FANCD2: variants seen among roughly 807,000 people sequenced by gnomAD.
The protein encoded by FANCD2 is FA complementation group D2.
A neutral mutation model predicts 192.3 loss-of-function variants in FANCD2; 131 were observed. The ratio of observed to expected loss-of-function variants is 0.68; its 90% CI spans 0.59 to 0.79. The LOEUF (loss-of-function observed/expected upper bound fraction) is 0.79, where lower values mean the gene tolerates loss of function less well. Ranked by LOEUF, FANCD2 falls within the 30% of genes least tolerant of loss-of-function variation. The pLI is 0.00. For synonymous variants in FANCD2, 524 were observed against 612.5 expected, an observed-to-expected ratio of 0.86 and a Z score of 2.13; for missense variants, 1,508 against 1,701.6, an observed-to-expected ratio of 0.89 and a Z score of 2.00.
chr3:10,084,302 T>TC (rs1350550456), intron 32 of FANCD2, among the ~76,000 whole-genome samples: 5 of 147,764 alleles, frequency 3.4e-5, no homozygotes, highest in African/African-American at 1.3e-4. Flanking sequence ...TTTTTTTTTT[T>TC]CTTCCCTGAG....
chr3:10,034,489 CA>C lies in FANCD2; in HGVS notation c.230del (p.Lys77ArgfsTer7), dbSNP rs770835633. ...CATAGCTGTGGATCAAATAGCTTTC[CA>C]AAAGAAGCTCTTTCAGACCCTGAGG... Reference protein sequence around the residue: ...NQLAVDQIAFQKKLFQTLRRH... With the variant: ...NQLAVDQIAFXKKLFQTLRRH... On this transcript the variant is annotated frameshift_variant, in exon 4 of 44. Transcript: ENST00000675286. LOFTEE classifies it high-confidence loss of function. 5 of 1,612,778 alleles carry C rather than the reference CA, an allele frequency of 3.1e-6. No homozygotes were observed.
intron 8 of FANCD2, 60 bp downstream of exon 8, chr3:10,039,417 G>T: frequency 1.4e-6 from 2 of 1,406,038 alleles, no homozygotes; most frequent in South Asian, 1.2e-5. Context: ...TCTTTTGGAG[G>T]TTGTATTTTT....
At chr3:10,029,975 G>A (rs1229273741) in intron 2 of FANCD2, among the ~76,000 whole-genome samples, 5 of 151,958 alleles carry the variant, frequency 3.3e-5, no homozygotes, top group African/African-American at 7.3e-5. Context: ...TAGTAGAGAC[G>A]GGGTTTCACC....
chr3:10,099,084 C>A, intron 43 of FANCD2: 4 of 1,540,962 alleles, frequency 2.6e-6, no homozygotes, highest in Middle Eastern at 4.2e-4. Context: ...TCTCATTTTC[C>A]ATGAATTCAT....
rs1437773916 is a variant in FANCD2 at position 10,088,943 on chromosome 3, C to T, written c.3676C>T (p.Leu1226=). 1 of 1,614,154 alleles carries T rather than the reference C, an allele frequency of 6.2e-7. No individual in the cohort carries two copies. Among genetic ancestry groups the T allele is most frequent in the East Asian group, 2.2e-5 (1 of 44,886 alleles). Residue 1226 remains leucine (L), a synonymous_variant, in exon 36 of 44, where the codon CTG becomes TTG. Coordinates refer to ENST00000675286, the MANE Select transcript of FANCD2 (RefSeq NM_001018115.3). The part of the protein sequence containing the change: ...KDASSSTFPT[L]TRHTFVVFFR... ...TGCATCTTCCTCCACATTCCCTACACTGACCAGGTAAGGGAGTTCTTTCCT... is the reference window on the plus strand; with the variant it reads ...TGCATCTTCCTCCACATTCCCTACATTGACCAGGTAAGGGAGTTCTTTCCT...
chr3:10,044,161 GA>G (rs1211953609), intron 14 of FANCD2, among the ~76,000 whole-genome samples: 1 of 152,204 alleles, frequency 6.6e-6, no homozygotes, highest in Non-Finnish European at 1.5e-5. Context: ...CCCCACTGAT[GA>G]GATGAAGAAA....
At chr3:10,064,644 T>G (rs1204503243) in intron 22 of FANCD2, 85 bp from the exon 23 acceptor site, 2 of 1,435,952 alleles carry the variant, frequency 1.4e-6, no homozygotes, top group African/African-American at 2.8e-5. Context: ...TGATGTTGTG[T>G]TTGAAATTGG....
intron 34 of FANCD2, among the ~76,000 whole-genome samples, chr3:10,087,855 G>A (rs1014275321): frequency 2.4e-4 from 37 of 152,044 alleles, no homozygotes; most frequent in African/African-American, 8.4e-4. Context: ...CACCATGTTG[G>A]TCAGGCTGGT....
intron 30 of FANCD2, 23 bp from the exon 31 acceptor site, chr3:10,081,077 T>C (rs1693807645): frequency 3.1e-6 from 5 of 1,613,932 alleles, no homozygotes; most frequent in Non-Finnish European, 3.4e-6. Context: ...GTTTCTTCAC[T>C]CATAACTCTG....
At chr3:10,054,810 T>C (rs993847231) in intron 18 of FANCD2, among the ~76,000 whole-genome samples, 12 of 149,828 alleles carry the variant, frequency 8.0e-5, no homozygotes, top group African/African-American at 1.2e-4. Context: ...TATCTTTTTT[T>C]CCCCCCCTTT....
intron 10 of FANCD2, among the ~76,000 whole-genome samples, 178 bp downstream of exon 10, chr3:10,041,888 G>C: frequency 6.9e-6 from 1 of 144,156 alleles, no homozygotes; most frequent in Non-Finnish European, 1.5e-5. Context: ...GCTATTCTAT[G>C]GTAGAGTCAC....
Position 10,098,652 on chromosome 3 carries a change from A to T in FANCD2, c.4186-68A>T, listed in dbSNP as rs1046694316. The T allele has an allele frequency of 3.2e-6, 5 of 1,579,732 alleles. No individual in the cohort carries two copies. In the East Asian group the frequency reaches 6.9e-5, roughly 22 times the overall value. ...TTCCTTTGTATTGCCTGTAAACTCAACCTTCTCCCCTATTACCCTAAATGT... is the reference window on the plus strand; with the variant it reads ...TTCCTTTGTATTGCCTGTAAACTCATCCTTCTCCCCTATTACCCTAAATGT... On this transcript the variant is annotated intron_variant, in intron 42 of 43. Transcript: ENST00000675286.
intron 29 of FANCD2, 64 bp from the exon 30 acceptor site, chr3:10,078,016 AG>A: frequency 8.4e-7 from 1 of 1,195,666 alleles, no homozygotes; most frequent in Non-Finnish European, 1.3e-6. Flanking sequence ...CAAAAAAGAA[AG>A]AAAAAAAATT....
At chr3:10,027,429 C>G (rs1222743370) in intron 1 of FANCD2, among the ~76,000 whole-genome samples, 1 of 152,190 alleles carries the variant, frequency 6.6e-6, no homozygotes, top group Non-Finnish European at 1.5e-5. Context: ...ACTGAGACCA[C>G]GAAGGTTCTG....
rs192535505 is a variant in FANCD2 at position 10,033,288 on chromosome 3, C to A, written c.205+316C>A. 1.8e-4 allele frequency among the ~76,000 whole-genome samples: 28 copies of A among 152,190 alleles called. No homozygotes were observed. In the East Asian group the frequency reaches 5.4e-3, roughly 29 times the overall value. On this transcript the variant is annotated intron_variant, in intron 3 of 43. Coordinates refer to ENST00000675286, the MANE Select transcript of FANCD2 (RefSeq NM_001018115.3). Reference sequence around the variant, plus strand: ...TGGTGGCATGTGCCTGTAGTCCCAGCTGCTTGGGCGCCTGAGTCAGGAGAA... The same window carrying A: ...TGGTGGCATGTGCCTGTAGTCCCAGATGCTTGGGCGCCTGAGTCAGGAGAA...
chr3:10,073,435 C>T (rs934411790), intron 28 of FANCD2, 73 bp downstream of exon 28: 8 of 1,183,730 alleles, frequency 6.8e-6, no homozygotes, highest in South Asian at 2.5e-5. Flanking sequence ...GCTTTATTCT[C>T]GGCATTTTAC....
intron 16 of FANCD2, 154 bp downstream of exon 16, chr3:10,048,205 A>C: frequency 1.0e-6 from 1 of 958,358 alleles, no homozygotes; most frequent in Non-Finnish European, 1.6e-6. Context: ...GATGAAAGGA[A>C]GAGACTTGAC....
In FANCD2 at chr3:10,039,757, G is replaced by C. The variant is rs769402896; in HGVS notation, c.607G>C (p.Ala203Pro). 3 of 1,613,738 alleles carry C rather than the reference G, an allele frequency of 1.9e-6. No individual in the cohort carries two copies. In the South Asian group the frequency reaches 3.3e-5, roughly 18 times the overall value. The change falls in exon 9 of 44, where the codon GCT (alanine) becomes CCT (proline). Residue 203 changes from alanine to proline, a missense_variant. By Grantham distance (27) the Ala-to-Pro change is conservative. Coordinates refer to ENST00000675286, the MANE Select transcript of FANCD2 (RefSeq NM_001018115.3). ...TTKIMQLISI[A>P]PENLQHDIIT... ...CAAGATCATGCAGCTGATCAGTATT[G>C]CTCCAGAGAACCTGCAGCATGACAT...
At chr3:10,079,648 C>G (rs1209106795) in intron 30 of FANCD2, among the ~76,000 whole-genome samples, 1 of 152,078 alleles carries the variant, frequency 6.6e-6, no homozygotes, top group Non-Finnish European at 1.5e-5. Context: ...TCTAAATGCC[C>G]TGAACATTCC....
Sources: allele counts gnomAD v4.1 joint callset (sites outside exome capture counted in the v4.1 genomes callset), GRCh38; gene constraint gnomAD v4.1.1; transcripts MANE v1.5; gene names NCBI Gene and HGNC (gene_info 2026-07-23, HGNC 2026-07-21).